Variants in UBTD2 observed in about 807,000 individuals in gnomAD.
UBTD2 encodes ubiquitin domain containing 2, also known as ubiquitin domain-containing protein 2.
In UBTD2, 9 loss-of-function variants were observed where a neutral mutation model predicts 19.8. The observed-to-expected ratio is 0.46, with a 90% CI of 0.27 to 0.79. The LOEUF is 0.79. Among genes scored for constraint, UBTD2 ranks in the 30% least tolerant of loss-of-function variants. The pLI, the probability that UBTD2 is intolerant of heterozygous loss-of-function variation, is 0.14. For synonymous variants in UBTD2, 98 were observed against 103.9 expected (o/e 0.94, Z 0.35); for missense variants, 250 against 300.4 (o/e 0.83, Z 1.24).
At chr5:172,275,223 C>T (rs1311808231) in intron 1 of UBTD2, among the ~76,000 whole-genome samples, 1 of 152,130 alleles carries the variant, frequency 6.6e-6, no homozygotes, top group Non-Finnish European at 1.5e-5. Context: ...CCTGATAAAA[C>T]CACAAATCTT....
intron 1 of UBTD2, among the ~76,000 whole-genome samples, chr5:172,236,357 T>G (rs751381035): frequency 2.6e-5 from 4 of 152,248 alleles, no homozygotes; most frequent in Non-Finnish European, 5.9e-5. Flanking sequence ...TCAACAAATA[T>G]GTACTGAGTG....
At chr5:172,225,716 T>C (rs981261522) in intron 2 of UBTD2, among the ~76,000 whole-genome samples, 4 of 152,182 alleles carry the variant, frequency 2.6e-5, no homozygotes, top group Non-Finnish European at 5.9e-5. Flanking sequence ...AATTGTCCAC[T>C]TTAAACATGC....
At chr5:172,243,554 CTTTTTTTTTT>C (rs58327908) in intron 1 of UBTD2, among the ~76,000 whole-genome samples, 6 of 101,100 alleles carry the variant, frequency 5.9e-5, no homozygotes, top group East Asian at 3.4e-4. Context: ...TGTGAGAAAC[CTTTTTTTTTT>C]TTTTTTTTTT....
At chr5:172,255,299 ACT>A in intron 1 of UBTD2, 1 of 444,598 alleles carries the variant, frequency 2.2e-6, no homozygotes, top group Non-Finnish European at 4.6e-6. Flanking sequence ...GTCTGAAAGA[ACT>A]CATCAGGCAA....
intron 2 of UBTD2, among the ~76,000 whole-genome samples, chr5:172,231,467 C>T (rs1771897171): frequency 6.6e-6 from 1 of 152,164 alleles, no homozygotes; most frequent in Admixed American, 6.5e-5. Flanking sequence ...GTAGGCAGGG[C>T]TGCCGGGAAC....
Position 172,280,509 on chromosome 5 carries a change from C to CAAA in UBTD2, c.70+3084_70+3086dup, listed in dbSNP as rs376156166. On this transcript the variant is annotated intron_variant, in intron 1 of 2. Transcript: ENST00000393792. ...TGGGCGACAGAGCAAGACTCCATCT[C>CAAA]AAAAAAAAAAAAAAAAAAAACCAGC... is the stretch of plus-strand genomic sequence containing the variant. Among the ~76,000 whole-genome samples the CAAA allele has an allele frequency of 1.4e-3, 135 of 94,946 alleles. 2 individuals carry two copies. Among genetic ancestry groups the CAAA allele is most frequent in the African/African-American group, 5.1e-3 (120 of 23,526 alleles). The allele number at this position is 94,946 out of a possible 152,430, so 62.3% of individuals were successfully genotyped here.
At chr5:172,247,577 T>C (rs1754904995) in intron 1 of UBTD2, among the ~76,000 whole-genome samples, 1 of 152,138 alleles carries the variant, frequency 6.6e-6, no homozygotes, top group Non-Finnish European at 1.5e-5. Flanking sequence ...AACAATAAAA[T>C]AGACTTTAAG....
chr5:172,226,349 T>C (rs1771765717), intron 2 of UBTD2, among the ~76,000 whole-genome samples: 1 of 152,188 alleles, frequency 6.6e-6, no homozygotes, highest in Admixed American at 6.5e-5. Context: ...GAGTCAGTCA[T>C]ACCCCATTTG....
chr5:172,233,969 T>C (rs1191191218), intron 2 of UBTD2, among the ~76,000 whole-genome samples, 153 bp downstream of exon 2: 2 of 151,872 alleles, frequency 1.3e-5, no homozygotes, highest in Non-Finnish European at 2.9e-5. Flanking sequence ...CTGAAAGATG[T>C]ACAAGAAAAA....
intron 2 of UBTD2, among the ~76,000 whole-genome samples, chr5:172,214,616 TGG>T (rs1771507845): frequency 6.6e-6 from 1 of 152,194 alleles, no homozygotes; most frequent in Non-Finnish European, 1.5e-5. Context: ...TACAGCTGGA[TGG>T]TGTATATTCT....
At chr5:172,252,331 CCT>C (rs947091464) in intron 1 of UBTD2, 26 of 151,920 alleles carry the variant, frequency 1.7e-4, no homozygotes, top group Admixed American at 1.3e-3. Flanking sequence ...TTTTTTTTCC[CCT>C]CTGTGTCCCA....
At chr5:172,274,009 G>A (rs1224312275) in intron 1 of UBTD2, among the ~76,000 whole-genome samples, 1 of 151,736 alleles carries the variant, frequency 6.6e-6, no homozygotes, top group Non-Finnish European at 1.5e-5. Context: ...GAAATTTTAG[G>A]CACCTCTCTC....
Position 172,232,333 on chromosome 5 carries a change from AG to A in UBTD2, c.307+1788del, listed in dbSNP as rs1431644891. ...CACTGTCATAAAAAAAAAAAAAAAAAGTCACACTGAAAATGGCATTCTATTA... is the reference window on the plus strand; with the variant it reads ...CACTGTCATAAAAAAAAAAAAAAAAATCACACTGAAAATGGCATTCTATTA... On this transcript the variant is annotated intron_variant, in intron 2 of 2. Transcript: ENST00000393792. Among the ~76,000 whole-genome samples, 8 of 145,106 alleles carry A rather than the reference AG, an allele frequency of 5.5e-5. No homozygotes were observed. The East Asian group carries it at 1.5e-3, about 26-fold the overall frequency.
chr5:172,281,878 C>G (rs569178500), intron 1 of UBTD2, among the ~76,000 whole-genome samples: 20 of 152,120 alleles, frequency 1.3e-4, no homozygotes, highest in Non-Finnish European at 2.1e-4. Flanking sequence ...TACAGCAGAG[C>G]TTACGGTCCA....
intron 2 of UBTD2, among the ~76,000 whole-genome samples, chr5:172,222,038 A>G (rs898116177): frequency 1.3e-5 from 2 of 152,164 alleles, no homozygotes; most frequent in African/African-American, 2.4e-5. Context: ...GGAAAAATCC[A>G]TATCATTTAC....
chr5:172,238,826 G>A (rs536090666), intron 1 of UBTD2, among the ~76,000 whole-genome samples: 1 of 152,208 alleles, frequency 6.6e-6, no homozygotes, highest in South Asian at 2.1e-4. Flanking sequence ...GAAAGAAGAG[G>A]CCATAATGCA....
intron 1 of UBTD2, among the ~76,000 whole-genome samples, chr5:172,236,757 G>A (rs899057395): frequency 2.6e-5 from 4 of 152,172 alleles, no homozygotes; most frequent in Admixed American, 6.5e-5. Context: ...AAATGCATGA[G>A]AGATAACTCA....
chr5:172,218,784 A>T (rs1303858169), intron 2 of UBTD2, among the ~76,000 whole-genome samples: 74 of 66,368 alleles, frequency 1.1e-3, no homozygotes, highest in African/African-American at 2.9e-3. Context: ...CCAAAAAAAA[A>T]AAAAATAAAA....
rs375112501 is a variant in UBTD2 at position 172,210,986 on chromosome 5, A to G, written c.*844T>C. The G allele has an allele frequency of 2.0e-5, 3 of 152,174 alleles. No individual in the cohort carries two copies. The highest frequency in any genetic ancestry group is 2.1e-4 in the South Asian group (1 of 4,822). 9.4% of individuals were successfully genotyped at this position (152,174 alleles called of 1,614,324 possible). A position where few individuals can be genotyped will look rare whatever the true frequency, so the allele number is the denominator to read the frequency against. On this transcript the variant is annotated 3_prime_UTR_variant, in exon 3 of 3. Coordinates refer to ENST00000393792, the MANE Select transcript of UBTD2 (RefSeq NM_152277.3). ...ATAGATAGATCAATGAAGGTACTATATAGTAGTGACCTTCTAAGCCTGGAT... is the reference window on the plus strand; with the variant it reads ...ATAGATAGATCAATGAAGGTACTATGTAGTAGTGACCTTCTAAGCCTGGAT...
Sources: allele counts gnomAD v4.1 joint callset (sites outside exome capture counted in the v4.1 genomes callset), GRCh38; gene constraint gnomAD v4.1.1; transcripts MANE v1.5; gene names NCBI Gene and HGNC (gene_info 2026-07-23, HGNC 2026-07-21).